Variants in SCAF8 observed in about 807,000 individuals in gnomAD.
The protein encoded by SCAF8 is SR-related and CTD-associated factor 8.
In SCAF8, 23 loss-of-function variants were observed where a neutral mutation model predicts 140.5. The ratio of observed to expected loss-of-function variants is 0.16; its 90% CI spans 0.12 to 0.23. The LOEUF (loss-of-function observed/expected upper bound fraction) is 0.23. SCAF8 is among the 10% of genes least tolerant of loss of function. The pLI is 1.00. For synonymous variants in SCAF8, 575 were observed against 528.9 expected, an observed-to-expected ratio of 1.09 and a Z score of -1.20; for missense variants, 1,397 against 1,555.7, an observed-to-expected ratio of 0.90 and a Z score of 1.72.
intron 1 of SCAF8, among the ~76,000 whole-genome samples, chr6:154,750,383 A>G (rs141178712): frequency 1.0e-3 from 159 of 152,290 alleles, no homozygotes; most frequent in African/African-American, 3.7e-3. Flanking sequence ...TTAGGGTGAT[A>G]ATGTAGGGAA....
chr6:154,762,213 T>G (rs146641499), intron 1 of SCAF8, among the ~76,000 whole-genome samples: 98 of 152,322 alleles, frequency 6.4e-4, no homozygotes, highest in African/African-American at 2.3e-3. Flanking sequence ...ACAGTTTCCA[T>G]AGGTCAGGAT....
At chr6:154,755,600 C>T (rs995272372) in intron 1 of SCAF8, among the ~76,000 whole-genome samples, 3 of 152,104 alleles carry the variant, frequency 2.0e-5, no homozygotes, top group East Asian at 1.9e-4. Flanking sequence ...TTTTGTATTT[C>T]TAAAAACCTT....
At position 154,797,298 on chromosome 6, in the gene SCAF8, T is replaced by A. The variant is rs1165196220; in HGVS notation, c.606+2159T>A. On this transcript the variant is annotated intron_variant, in intron 6 of 19. Transcript: ENST00000367178. ...CTACCCTAGTTCTTCATTTTTGGAC[T>A]GTTGATGTACTCCTCTAAATAGCTT... 3.3e-5 allele frequency among the ~76,000 whole-genome samples: 5 copies of A among 151,482 alleles called. 1 individual carries two copies. The highest frequency in any genetic ancestry group is 7.4e-5 in the Non-Finnish European group (5 of 67,770).
intron 9 of SCAF8, among the ~76,000 whole-genome samples, chr6:154,805,794 GA>G (rs1449193208): frequency 2.6e-5 from 4 of 152,108 alleles, no homozygotes; most frequent in African/African-American, 9.7e-5. Flanking sequence ...GAACAGGATG[GA>G]GGGGGTTTCA....
In SCAF8 at chr6:154,833,451, G is replaced by T. The variant is rs763223423; in HGVS notation, c.*56G>T. The T allele has an allele frequency of 6.6e-7, 1 of 1,506,960 alleles. No homozygotes were observed. Among genetic ancestry groups the T allele is most frequent in the African/African-American group, 1.4e-5 (1 of 72,012 alleles). 93.3% of individuals were successfully genotyped at this position (1,506,960 alleles called of 1,614,324 possible). On this transcript the variant is annotated 3_prime_UTR_variant, in exon 20 of 20. Coordinates refer to ENST00000367178, the MANE Select transcript of SCAF8 (RefSeq NM_014892.5). ...GTAAAGTTGTCATCTCTCTGTAATAGATAATGGCTGACTGGACCATAGTTG... is the reference window on the plus strand; with the variant it reads ...GTAAAGTTGTCATCTCTCTGTAATATATAATGGCTGACTGGACCATAGTTG...
rs773029739 is a variant in SCAF8 at position 154,803,537 on chromosome 6, C to T, written c.784-7C>T. On this transcript the variant is annotated splice_polypyrimidine_tract_variant and splice_region_variant and intron_variant, in intron 7 of 19. Coordinates refer to ENST00000367178, the MANE Select transcript of SCAF8 (RefSeq NM_014892.5). ...TTAATATGTCTGTTTCTCCTTCTTT[C>T]CCCCAGAAGTTGATGGATAGGTTTG... The T allele has an allele frequency of 6.2e-7, 1 of 1,604,770 alleles. No homozygotes were observed. Among genetic ancestry groups the T allele is most frequent in the East Asian group, 2.2e-5 (1 of 44,704 alleles).
chr6:154,734,790 C>T (rs544356989), intron 1 of SCAF8, among the ~76,000 whole-genome samples: 20 of 152,308 alleles, frequency 1.3e-4, no homozygotes, highest in Admixed American at 1.0e-3. Flanking sequence ...AAGTACACAT[C>T]TGCACAGTCA....
intron 1 of SCAF8, among the ~76,000 whole-genome samples, chr6:154,740,741 C>A (rs1778548545): frequency 6.6e-6 from 1 of 151,716 alleles, no homozygotes; most frequent in Non-Finnish European, 1.5e-5. Context: ...ACCTCAGCCT[C>A]CTGAGTAGCT....
At chr6:154,827,872 A>C (rs1301593712) in intron 18 of SCAF8, among the ~76,000 whole-genome samples, 1 of 149,466 alleles carries the variant, frequency 6.7e-6, no homozygotes, top group Non-Finnish European at 1.5e-5. Context: ...TTTTTAGAGC[A>C]GTTTTTTAGG....
At chr6:154,735,930 G>C (rs1018189209) in intron 1 of SCAF8, among the ~76,000 whole-genome samples, 1 of 150,706 alleles carries the variant, frequency 6.6e-6, no homozygotes, top group Admixed American at 6.6e-5. Flanking sequence ...GGGCCCAAGG[G>C]GTCCTCCTCT....
At chr6:154,739,416 A>G (rs1007186806) in intron 1 of SCAF8, among the ~76,000 whole-genome samples, 1 of 152,128 alleles carries the variant, frequency 6.6e-6, no homozygotes, top group Non-Finnish European at 1.5e-5. Flanking sequence ...TCAGTGATCT[A>G]TTTTTTTCAG....
intron 1 of SCAF8, among the ~76,000 whole-genome samples, chr6:154,753,675 T>A (rs1027177418): frequency 3.3e-5 from 5 of 152,186 alleles, no homozygotes; most frequent in Non-Finnish European, 5.9e-5. Context: ...TACATATTTA[T>A]AATATTTATA....
chr6:154,742,747 TTTA>T (rs398066416), intron 1 of SCAF8, among the ~76,000 whole-genome samples: 1 of 33,600 alleles, frequency 3.0e-5, no homozygotes, highest in African/African-American at 4.0e-4. Flanking sequence ...CATTTCTTTA[TTTA>T]TTCAGAATGG....
intron 8 of SCAF8, among the ~76,000 whole-genome samples, chr6:154,804,870 G>A (rs1228431719): frequency 6.6e-6 from 1 of 151,972 alleles, no homozygotes; most frequent in Admixed American, 6.5e-5. Flanking sequence ...AACAGTATCT[G>A]TCTCTGTTAA....
chr6:154,744,805 A>G (rs1209872511), intron 1 of SCAF8, among the ~76,000 whole-genome samples: 1 of 152,212 alleles, frequency 6.6e-6, no homozygotes, highest in Non-Finnish European at 1.5e-5. Flanking sequence ...AATAATTTTT[A>G]TGTATACTTC....
At chr6:154,761,632 T>C (rs1776405242) in intron 1 of SCAF8, among the ~76,000 whole-genome samples, 1 of 152,228 alleles carries the variant, frequency 6.6e-6, no homozygotes, top group South Asian at 2.1e-4. Context: ...AACATCTCCT[T>C]TTGGCCTGTG....
chr6:154,809,944 C>T, intron 11 of SCAF8, 71 bp from the exon 12 acceptor site: 1 of 1,207,732 alleles, frequency 8.3e-7, no homozygotes, highest in Admixed American at 2.3e-5. Context: ...TGTTTTTTCC[C>T]TCACTTAGAA....
At chr6:154,770,338 C>T (rs1776700930) in intron 1 of SCAF8, among the ~76,000 whole-genome samples, 1 of 150,734 alleles carries the variant, frequency 6.6e-6, no homozygotes, top group Non-Finnish European at 1.5e-5. Context: ...GTGATCTGTG[C>T]CTGTAGTGCC....
At chr6:154,761,274 G>A (rs967891478) in intron 1 of SCAF8, among the ~76,000 whole-genome samples, 1 of 152,076 alleles carries the variant, frequency 6.6e-6, no homozygotes, top group Admixed American at 6.6e-5. Flanking sequence ...ATCACCTGAG[G>A]TTGGGAGTTC....
Sources: gnomAD v4.1 joint callset for allele counts (sites outside exome capture counted in the v4.1 genomes callset) on GRCh38, gnomAD v4.1.1 for gene constraint, MANE v1.5 for transcripts, NCBI Gene and HGNC (gene_info 2026-07-23, HGNC 2026-07-21) for gene names.